The following ZNF618 variants were observed in gnomAD, a reference collection of about 807,000 sequenced individuals.
ZNF618 encodes the protein neural precursor cell expressed, developmentally down-regulated 10.
Under a neutral mutation model 103.0 loss-of-function variants are expected in ZNF618, and 34 were observed. The observed-to-expected ratio is 0.33, with a 90% CI of 0.25 to 0.44. The LOEUF is 0.44. Among genes scored for constraint, ZNF618 ranks in the 20% least tolerant of loss-of-function variants. The pLI, the probability that ZNF618 is intolerant of heterozygous loss-of-function variation, is 1.00. For missense variants in ZNF618, 1,059 were observed against 1,295.4 expected (o/e 0.82, Z 2.80); for synonymous variants, 551 against 542.2 (o/e 1.02, Z -0.23).
intron 13 of ZNF618, among the ~76,000 whole-genome samples, chr9:114,037,508 A>G (rs1393333700): frequency 6.6e-6 from 1 of 152,188 alleles, no homozygotes; most frequent in Non-Finnish European, 1.5e-5. Flanking sequence ...CTGGGGAGGC[A>G]GTTAGCTGTC....
chr9:113,966,596 C>T (rs940189096), intron 1 of ZNF618, among the ~76,000 whole-genome samples: 3 of 152,196 alleles, frequency 2.0e-5, no homozygotes, highest in African/African-American at 7.2e-5. Flanking sequence ...AGTTGGTGTT[C>T]CCAACACAGT....
Position 114,028,883 on chromosome 9 carries a change from C to T in ZNF618, c.995C>T (p.Ala332Val). ...GCTCCGGCCTCCGTGGTCCGATGTG[C>T]CACCCTCTTACACCGCACCCCTCCA... Reference protein sequence around the residue: ...KKAPASVVRCATLLHRTPPAT... With the variant: ...KKAPASVVRCVTLLHRTPPAT... Residue 332 changes from alanine (A) to valine (V), a missense_variant, in exon 11 of 15, where the codon GCC becomes GTC. Coordinates refer to ENST00000374126, the MANE Select transcript of ZNF618 (RefSeq NM_001318042.2). 1.3e-6 allele frequency: 2 copies of T among 1,550,626 alleles called. No homozygotes were observed. The highest frequency in any genetic ancestry group is 1.7e-6 in the Non-Finnish European group (2 of 1,146,896).
chr9:113,951,216 G>C (rs1360514425), intron 1 of ZNF618, among the ~76,000 whole-genome samples: 2 of 150,796 alleles, frequency 1.3e-5, no homozygotes, highest in Non-Finnish European at 1.5e-5. Flanking sequence ...TAACCTCTCT[G>C]TGCTTCCCTT....
intron 1 of ZNF618, among the ~76,000 whole-genome samples, chr9:113,924,732 G>A (rs1344768842): frequency 2.9e-4 from 44 of 151,546 alleles, no homozygotes; most frequent in South Asian, 8.3e-4. Flanking sequence ...TTTCATTTTC[G>A]CTTAGTTCAT....
chr9:113,933,552 T>A (rs1483928146), intron 1 of ZNF618, among the ~76,000 whole-genome samples: 1 of 152,048 alleles, frequency 6.6e-6, no homozygotes, highest in African/African-American at 2.4e-5. Flanking sequence ...GGAGAGCAGG[T>A]TGTTTGAGGT....
chr9:114,012,888 T>C (rs1423881325), intron 9 of ZNF618, among the ~76,000 whole-genome samples: 1 of 152,142 alleles, frequency 6.6e-6, no homozygotes, highest in Non-Finnish European at 1.5e-5. Flanking sequence ...AAGGAAGACC[T>C]GTATATGCAG....
chr9:114,004,818 G>A (rs1841589480), intron 6 of ZNF618, among the ~76,000 whole-genome samples: 1 of 152,196 alleles, frequency 6.6e-6, no homozygotes, highest in Non-Finnish European at 1.5e-5. Flanking sequence ...GAGTCATACA[G>A]GTTGTGAGTA....
chr9:114,020,630 A>G (rs1238212007), intron 10 of ZNF618, among the ~76,000 whole-genome samples: 1 of 152,118 alleles, frequency 6.6e-6, no homozygotes, highest in Non-Finnish European at 1.5e-5. Flanking sequence ...AAAAAAATCA[A>G]TCTTTGTGTA....
intron 1 of ZNF618, among the ~76,000 whole-genome samples, chr9:113,928,383 A>C (rs2131795869): frequency 6.6e-6 from 1 of 152,228 alleles, no homozygotes; most frequent in African/African-American, 2.4e-5. Context: ...TGCTTATCTG[A>C]CAGTTCCAAA....
intron 12 of ZNF618, among the ~76,000 whole-genome samples, chr9:114,035,563 T>C (rs1844510629): frequency 6.6e-6 from 1 of 152,044 alleles, no homozygotes; most frequent in Non-Finnish European, 1.5e-5. Context: ...TTTTCTTCTT[T>C]TCCTTGCTCT....
chr9:113,990,013 C>T (rs1318554890), intron 3 of ZNF618, among the ~76,000 whole-genome samples: 1 of 152,258 alleles, frequency 6.6e-6, no homozygotes, highest in Non-Finnish European at 1.5e-5. Context: ...ATAACCTGAA[C>T]CTTCTAGCCC....
intron 10 of ZNF618, among the ~76,000 whole-genome samples, chr9:114,017,982 C>T (rs1352914078): frequency 6.6e-6 from 1 of 152,176 alleles, no homozygotes; most frequent in Non-Finnish European, 1.5e-5. Context: ...AGATTCTCAT[C>T]CCTGCTTGCC....
intron 1 of ZNF618, among the ~76,000 whole-genome samples, chr9:113,966,626 A>G (rs920618266): frequency 2.0e-5 from 3 of 152,174 alleles, no homozygotes; most frequent in African/African-American, 7.2e-5. Flanking sequence ...CTCTGTCGTC[A>G]TGGTGTAGCT....
rs755337409 is a variant in ZNF618, at chr9:114,049,856, A to G, written c.2554A>G (p.Lys852Glu). The change falls in exon 15 of 15, where the codon AAG becomes GAG. Residue 852 changes from lysine to glutamate, a missense_variant. By Grantham distance (56) the Lys-to-Glu change is moderately conservative. Coordinates refer to ENST00000374126, the MANE Select transcript of ZNF618 (RefSeq NM_001318042.2). The stretch of plus-strand genomic sequence containing the variant: ...GGCCGACTTCGAGCCCGCTGCCAAG[A>G]AGCCCCGCTCTGCTGCCGTCGAGAA... ...EEADFEPAAK[K>E]PRSAAVENPA... 6 of 1,613,954 alleles carry G rather than the reference A, an allele frequency of 3.7e-6. No individual in the cohort carries two copies. Among genetic ancestry groups the G allele is most frequent in the Non-Finnish European group, 5.1e-6 (6 of 1,179,908 alleles).
intron 10 of ZNF618, chr9:114,027,921 T>C (rs1215874588): frequency 6.6e-6 from 1 of 152,358 alleles, no homozygotes; most frequent in African/African-American, 2.4e-5. Context: ...GGATTTTGCA[T>C]GATCTCTGAG....
chr9:113,880,203 A>G (rs1828385284), intron 1 of ZNF618, among the ~76,000 whole-genome samples: 1 of 151,990 alleles, frequency 6.6e-6, no homozygotes, highest in Non-Finnish European at 1.5e-5. Flanking sequence ...GTCATGAGGA[A>G]ATTTTGAATT....
In ZNF618 at chr9:114,048,711, C is replaced by G. The variant is rs1224207384; in HGVS notation, c.1409C>G (p.Ala470Gly). 5.0e-6 allele frequency: 8 copies of G among 1,613,912 alleles called. No homozygotes were observed. Among genetic ancestry groups the G allele is most frequent in the Non-Finnish European group, 6.8e-6 (8 of 1,179,898 alleles). Residue 470 changes from alanine to glycine, a missense_variant, in exon 15 of 15, where the codon GCA becomes GGA. Transcript: ENST00000374126. ...MIPEKERQNI[A>G]ERLLRVMCAD... ...CCCGAAAAGGAGCGGCAGAACATCG[C>G]AGAGCGGCTGTTGAGGGTCATGTGT...
At chr9:114,046,565 A>G (rs952727322) in intron 13 of ZNF618, among the ~76,000 whole-genome samples, 6 of 152,212 alleles carry the variant, frequency 3.9e-5, no homozygotes, top group Non-Finnish European at 8.8e-5. Context: ...ATGACTCTAC[A>G]TGTTGAATAG....
intron 1 of ZNF618, among the ~76,000 whole-genome samples, chr9:113,951,440 T>TATATATACACATAC (rs1554732871): frequency 1.7e-4 from 5 of 29,484 alleles, no homozygotes; most frequent in East Asian, 3.8e-3. Context: ...TGTATATATA[T>TATATATACACATAC]ACATATATGT....
Sources: allele counts gnomAD v4.1 joint callset (sites outside exome capture counted in the v4.1 genomes callset), GRCh38; gene constraint gnomAD v4.1.1; transcripts MANE v1.5; gene names NCBI Gene and HGNC (gene_info 2026-07-23, HGNC 2026-07-21).